The following SPATA2 variants were observed in gnomAD, a reference collection of about 807,000 sequenced individuals.
SPATA2 encodes the protein spermatogenesis-associated protein 2.
In SPATA2, 8 loss-of-function variants were observed where a neutral mutation model predicts 35.4. The observed-to-expected ratio is 0.23, with a 90% confidence interval of 0.13 to 0.41. The LOEUF (loss-of-function observed/expected upper bound fraction) is 0.41, where lower values mean the gene tolerates loss of function less well. Among genes scored for constraint, SPATA2 ranks in the 10% least tolerant of loss-of-function variants. The pLI is 1.00. For synonymous variants in SPATA2, 293 were observed against 300.9 expected, an observed-to-expected ratio of 0.97 and a Z score of 0.27; for missense variants, 650 against 698.7, an observed-to-expected ratio of 0.93 and a Z score of 0.79.
rs77570880 is a variant in SPATA2 at position 49,906,948 on chromosome 20, G to A, written c.337-103C>T. ...ATGTCCAGCTCTGAAGTGGGGCGGC[G>A]GGGAGAGGGCAGGGCAGGGAAGGAT... On this transcript the variant is annotated intron_variant, in intron 2 of 2. Coordinates refer to ENST00000289431, the MANE Select transcript of SPATA2 (RefSeq NM_006038.4). This position sits in a 1 kb window ranked among gnomAD's most constrained non-coding sequence, Gnocchi z 8.2. 2.3e-3 allele frequency: 3,040 copies of A among 1,319,974 alleles called. 21 individuals are homozygous for A. Among genetic ancestry groups the A allele is most frequent in the African/African-American group, 0.021 (1,419 of 67,540 alleles). 81.8% of individuals were successfully genotyped at this position (1,319,974 alleles called of 1,614,324 possible). A position where few individuals can be genotyped will look rare whatever the true frequency, so the allele number is the denominator to read the frequency against.
chr20:49,911,253 C>T (rs2090180636), intron 1 of SPATA2, among the ~76,000 whole-genome samples: 2 of 152,176 alleles, frequency 1.3e-5, no homozygotes, highest in Admixed American at 1.3e-4. Flanking sequence ...GTCCACCCCT[C>T]ACCCTCCCTG....
At position 49,906,568 on chromosome 20, in the gene SPATA2, C is replaced by T. The variant is rs746057008; in HGVS notation, c.614G>A (p.Arg205His). Residue 205 changes from arginine to histidine, a missense_variant, in exon 3 of 3, where the codon CGC (arginine) becomes CAC (histidine). Arg to His is a conservative substitution (Grantham distance 29). Coordinates refer to ENST00000289431, the MANE Select transcript of SPATA2 (RefSeq NM_006038.4). This position sits in a 1 kb window ranked among gnomAD's most constrained non-coding sequence, Gnocchi z 8.2. Reference sequence around the variant, plus strand: ...CCGCCGCAGGGCGTCCGAGCAGCCGCGCACATCCTCTGCACTGCTCTTGCG... The same window carrying T: ...CCGCCGCAGGGCGTCCGAGCAGCCGTGCACATCCTCTGCACTGCTCTTGCG... ...SERKSSAEDV[R>H]GCSDALRRRA... 8.1e-6 allele frequency: 13 copies of T among 1,613,994 alleles called. No individual in the cohort carries two copies. The highest frequency in any genetic ancestry group is 1.7e-5 in the Admixed American group (1 of 60,000).
chr20:49,908,633 G>A (rs573367277), intron 1 of SPATA2, 41 bp from the exon 2 acceptor site: 15 of 724,752 alleles, frequency 2.1e-5, no homozygotes, highest in African/African-American at 1.6e-4. Flanking sequence ...TCCTCGATAC[G>A]GTCGCGCTTC....
chr20:49,906,577 T>A lies in SPATA2; in HGVS notation c.605A>T (p.Glu202Val). 6.2e-7 allele frequency: 1 copy of A among 1,614,204 alleles called. No homozygotes were observed. Among genetic ancestry groups the A allele is most frequent in the South Asian group, 1.1e-5 (1 of 91,086 alleles). Residue 202 changes from glutamate (E) to valine (V), a missense_variant, in exon 3 of 3, where the codon GAG becomes GTG. Glu to Val is a moderately radical substitution (Grantham distance 121). Transcript: ENST00000289431. The surrounding 1 kb of genome is among the most constrained non-coding windows in gnomAD (Gnocchi z 8.2). ...DIVSERKSSA[E>V]DVRGCSDALR... ...GGCGTCCGAGCAGCCGCGCACATCCTCTGCACTGCTCTTGCGCTCGCTCAC... is the reference window on the plus strand; with the variant it reads ...GGCGTCCGAGCAGCCGCGCACATCCACTGCACTGCTCTTGCGCTCGCTCAC...
Position 49,906,302 on chromosome 20 carries a change from G to T in SPATA2, c.880C>A (p.Pro294Thr). 1.3e-6 allele frequency: 2 copies of T among 1,589,492 alleles called. No homozygotes were observed. The highest frequency in any genetic ancestry group is 1.7e-6 in the Non-Finnish European group (2 of 1,166,518). ...GCCATGGTCAGCAGCGAAGGGGATG[G>T]GCGGATGATCTCATCCTTGAGGTCG... ...GDDLKDEIIR[P>T]SPSLLTMASS... is the part of the protein sequence containing the mutation. The change falls in exon 3 of 3, where the codon CCA (proline) becomes ACA (threonine). Residue 294 changes from proline (P) to threonine (T), a missense_variant. Pro to Thr is a conservative substitution (Grantham distance 38, BLOSUM62 -1). Coordinates refer to ENST00000289431, the MANE Select transcript of SPATA2 (RefSeq NM_006038.4). The surrounding 1 kb of genome is among the most constrained non-coding windows in gnomAD (Gnocchi z 8.2).
At chr20:49,911,403 C>A (rs1304167547) in intron 1 of SPATA2, among the ~76,000 whole-genome samples, 1 of 151,910 alleles carries the variant, frequency 6.6e-6, no homozygotes, top group Non-Finnish European at 1.5e-5. Flanking sequence ...GTGGCTCACG[C>A]CTGTAATCTT....
chr20:49,908,115 G>C (rs929035523), intron 2 of SPATA2, 40 bp downstream of exon 2: 1 of 1,547,248 alleles, frequency 6.5e-7, no homozygotes, highest in Non-Finnish European at 8.8e-7. Context: ...GGCAGGAAGA[G>C]AGAAGGAGGG....
rs761824285 is a variant in SPATA2 at position 49,905,615 on chromosome 20, C to T, written c.*4G>A. On this transcript the variant is annotated 3_prime_UTR_variant, in exon 3 of 3. Coordinates refer to ENST00000289431, the MANE Select transcript of SPATA2 (RefSeq NM_006038.4). ...CCCTTGGAGCTGGAAGGGGCGAGGC[C>T]GGTCTATCTGTACACGAGATGGGAG... 1.8e-5 allele frequency: 29 copies of T among 1,613,228 alleles called. No individual in the cohort carries two copies. Among genetic ancestry groups the T allele is most frequent in the East Asian group, 1.3e-4 (6 of 44,882 alleles).
At chr20:49,914,294 G>A (rs1442542701) in intron 1 of SPATA2, among the ~76,000 whole-genome samples, 1 of 152,114 alleles carries the variant, frequency 6.6e-6, no homozygotes, top group African/African-American at 2.4e-5. Flanking sequence ...AAGTGATTCC[G>A]AGTAGCTAAG....
chr20:49,915,205 G>A (rs967181335), intron 1 of SPATA2, among the ~76,000 whole-genome samples, 175 bp downstream of exon 1: 20 of 152,168 alleles, frequency 1.3e-4, no homozygotes, highest in Non-Finnish European at 1.5e-5. Flanking sequence ...GAGAATGGGG[G>A]TCCTGAGGAT....
chr20:49,905,738 C>A lies in SPATA2; in HGVS notation c.1444G>T (p.Ala482Ser). Residue 482 changes from alanine (A) to serine (S), a missense_variant, in exon 3 of 3, where the codon GCC becomes TCC. Coordinates refer to ENST00000289431, the MANE Select transcript of SPATA2 (RefSeq NM_006038.4). Reference protein sequence around the residue: ...CTQCSKVSCDACLSAYHYDPC... With the variant: ...CTQCSKVSCDSCLSAYHYDPC... ...TCATAATGGTAAGCGCTGAGGCAGGCGTCACATGAGACTTTTGAACACTGG... is the reference window on the plus strand; with the variant it reads ...TCATAATGGTAAGCGCTGAGGCAGGAGTCACATGAGACTTTTGAACACTGG... 1.2e-6 allele frequency: 2 copies of A among 1,614,210 alleles called. No homozygotes were observed. The highest frequency in any genetic ancestry group is 1.7e-6 in the Non-Finnish European group (2 of 1,180,042).
At position 49,908,263 on chromosome 20, in the gene SPATA2, C is replaced by T. The variant is rs201637603; in HGVS notation, c.228G>A (p.Ser76=). ...FYEVVESSLR[S]LSSSSLRALH... ...GAGCCCGCAGGCTAGAGGAGCTGAG[C>T]GAGCGCAAGGAGCTCTCCACCACCT... The change falls in exon 2 of 3, where the codon TCG becomes TCA. Residue 76 remains serine, a synonymous_variant. Transcript: ENST00000289431. 19 of 1,614,016 alleles carry T rather than the reference C, an allele frequency of 1.2e-5. No homozygotes were observed. In the Admixed American group the frequency reaches 1.8e-4, roughly 16 times the overall value.
chr20:49,903,904 T>TAGATAG lies in SPATA2; in HGVS notation c.*1714_*1715insCTATCT, dbSNP rs879570309. ...ATCTACATGTGATCTACCAGATAGA[T>TAGATAG]ATATATATATATATATATATATATA... On this transcript the variant is annotated 3_prime_UTR_variant, in exon 3 of 3. Transcript: ENST00000289431. 28 of 11,296 alleles carry TAGATAG rather than the reference T, an allele frequency of 2.5e-3. No homozygotes were observed. Among genetic ancestry groups the TAGATAG allele is most frequent in the Non-Finnish European group, 3.2e-3 (18 of 5,696 alleles). The allele number at this position is 11,296 out of a possible 1,614,324, so 0.7% of individuals were successfully genotyped here. A position where few individuals can be genotyped will look rare whatever the true frequency, so the allele number is the denominator to read the frequency against.
chr20:49,904,215 C>T lies in SPATA2; in HGVS notation c.*1404G>A, dbSNP rs1426442521. Reference sequence around the variant, plus strand: ...TGCCCCACTCCTGCTCTTGTACCCCCACAAGGAAAATCCAGGGGTTGGTAA... The same window carrying T: ...TGCCCCACTCCTGCTCTTGTACCCCTACAAGGAAAATCCAGGGGTTGGTAA... On this transcript the variant is annotated 3_prime_UTR_variant, in exon 3 of 3. Transcript: ENST00000289431. 1 of 152,424 alleles carries T rather than the reference C, an allele frequency of 6.6e-6. No homozygotes were observed. The highest frequency in any genetic ancestry group is 1.9e-4 in the East Asian group (1 of 5,198). 9.4% of individuals were successfully genotyped at this position (152,424 alleles called of 1,614,324 possible).
Position 49,908,523 on chromosome 20 carries a change from G to C in SPATA2, c.-33C>G. On this transcript the variant is annotated 5_prime_UTR_variant, in exon 2 of 3. Transcript: ENST00000289431. ...AGGGGGGCTACCTTATCTCCTCCAT[G>C]GCTTCTGGATTAGAGGCAGGGACAT... 5 of 1,533,034 alleles carry C rather than the reference G, an allele frequency of 3.3e-6. No individual in the cohort carries two copies. The highest frequency in any genetic ancestry group is 4.4e-6 in the Non-Finnish European group (5 of 1,126,508). The allele number at this position is 1,533,034 out of a possible 1,614,324, so 95.0% of individuals were successfully genotyped here. A position where few individuals can be genotyped will look rare whatever the true frequency, so the allele number is the denominator to read the frequency against.
rs1449733999 is a variant in SPATA2, at chr20:49,903,992, C to A, written c.*1627G>T. 9 of 146,556 alleles carry A rather than the reference C, an allele frequency of 6.1e-5. No individual in the cohort carries two copies. The highest frequency in any genetic ancestry group is 2.3e-4 in the African/African-American group (9 of 39,158). 9.1% of individuals were successfully genotyped at this position (146,556 alleles called of 1,614,324 possible). A position where few individuals can be genotyped will look rare whatever the true frequency, so the allele number is the denominator to read the frequency against. ...TAGAAGATTTGGAAAACCTTAAAATCACTCAACTGAGTTGGAAGAACATCA... is the reference window on the plus strand; with the variant it reads ...TAGAAGATTTGGAAAACCTTAAAATAACTCAACTGAGTTGGAAGAACATCA... On this transcript the variant is annotated 3_prime_UTR_variant, in exon 3 of 3. Transcript: ENST00000289431.
chr20:49,914,307 T>C (rs2090197434), intron 1 of SPATA2, among the ~76,000 whole-genome samples: 1 of 152,156 alleles, frequency 6.6e-6, no homozygotes, highest in Admixed American at 6.6e-5. Flanking sequence ...TAGCTAAGCA[T>C]TAGCTTGGCT....
intron 1 of SPATA2, among the ~76,000 whole-genome samples, chr20:49,909,708 C>G (rs993372371): frequency 8.5e-5 from 13 of 152,332 alleles, no homozygotes; most frequent in African/African-American, 2.9e-4. Flanking sequence ...AGTAACAGAA[C>G]TGCAGCCAGT....
chr20:49,907,444 G>C (rs1056511428), intron 2 of SPATA2, among the ~76,000 whole-genome samples: 1 of 152,182 alleles, frequency 6.6e-6, no homozygotes, highest in Non-Finnish European at 1.5e-5. Flanking sequence ...GAGAGAGCCT[G>C]GGCAAACATG....
Sources: gnomAD v4.1 joint callset for allele counts (sites outside exome capture counted in the v4.1 genomes callset) on GRCh38, gnomAD v4.1.1 for gene constraint, Gnocchi (gnomAD v3.1) non-coding constraint, MANE v1.5 for transcripts, NCBI Gene and HGNC (gene_info 2026-07-23, HGNC 2026-07-21) for gene names.